The following RBPMS variants were observed in gnomAD, a reference collection of about 807,000 sequenced individuals.
The protein encoded by RBPMS is RNA-binding protein with multiple splicing.
RBPMS carries 7 observed loss-of-function variants against 26.8 expected under a neutral mutation model. The ratio of observed to expected loss-of-function variants is 0.26; its 90% confidence interval spans 0.15 to 0.49. RBPMS has a LOEUF of 0.49. RBPMS is among the 20% of genes least tolerant of loss of function. The pLI, the probability that RBPMS is intolerant of heterozygous loss-of-function variation, is 0.98. For missense variants in RBPMS, 186 were observed against 250.0 expected (o/e 0.74, Z 1.73); for synonymous variants, 96 against 93.3 (o/e 1.03, Z -0.17).
chr8:30,481,531 A>G (rs1585612795), intron 4 of RBPMS, among the ~76,000 whole-genome samples: 1 of 150,414 alleles, frequency 6.6e-6, no homozygotes, highest in Admixed American at 6.6e-5. Context: ...TTCTTCTTGC[A>G]CTAGGCTCTC....
intron 1 of RBPMS, among the ~76,000 whole-genome samples, chr8:30,468,688 A>G (rs750314133): frequency 6.4e-4 from 97 of 152,198 alleles, no homozygotes; most frequent in Non-Finnish European, 1.2e-3. Flanking sequence ...GTTATACACT[A>G]CAAATAACAG....
intron 4 of RBPMS, among the ~76,000 whole-genome samples, chr8:30,490,296 G>T (rs1819250758): frequency 1.3e-5 from 2 of 152,190 alleles, no homozygotes; most frequent in Non-Finnish European, 2.9e-5. Context: ...ATTGTAACCT[G>T]AACAAACACA....
At chr8:30,471,596 C>T (rs543662199) in intron 1 of RBPMS, among the ~76,000 whole-genome samples, 1 of 152,288 alleles carries the variant, frequency 6.6e-6, no homozygotes, top group South Asian at 2.1e-4. Context: ...AAAACAGGCA[C>T]TTCCCAAAAT....
intron 5 of RBPMS, among the ~76,000 whole-genome samples, chr8:30,534,030 A>T (rs994568617): frequency 6.6e-6 from 1 of 152,012 alleles, no homozygotes; most frequent in African/African-American, 2.4e-5. Flanking sequence ...GCTACTCGGG[A>T]TGCTGAGGCA....
intron 8 of RBPMS, among the ~76,000 whole-genome samples, chr8:30,569,927 G>A (rs1828153882): frequency 6.6e-6 from 1 of 152,182 alleles, no homozygotes; most frequent in Non-Finnish European, 1.5e-5. Context: ...CACAGAGAAG[G>A]TCCAGGGTGT....
chr8:30,521,121 T>C (rs1822977326), intron 5 of RBPMS, among the ~76,000 whole-genome samples: 1 of 152,208 alleles, frequency 6.6e-6, no homozygotes, highest in African/African-American at 2.4e-5. Flanking sequence ...AAGTTAAATA[T>C]TTAGATTAGT....
intron 1 of RBPMS, among the ~76,000 whole-genome samples, chr8:30,417,972 C>T (rs368047430): frequency 1.3e-4 from 20 of 152,206 alleles, no homozygotes; most frequent in East Asian, 3.9e-4. Flanking sequence ...TGTTACCATA[C>T]GTAACACATA....
At chr8:30,538,807 A>C (rs927181101) in intron 5 of RBPMS, among the ~76,000 whole-genome samples, 26 of 152,132 alleles carry the variant, frequency 1.7e-4, no homozygotes, top group African/African-American at 4.8e-5. Context: ...CCTTTGTCTC[A>C]AGATTCCTAA....
chr8:30,528,092 T>C (rs1161110230), intron 5 of RBPMS, among the ~76,000 whole-genome samples: 4 of 152,032 alleles, frequency 2.6e-5, no homozygotes, highest in African/African-American at 9.7e-5. Flanking sequence ...GGAGAATCGC[T>C]TGAACCCGGG....
intron 1 of RBPMS, among the ~76,000 whole-genome samples, chr8:30,464,378 T>C (rs531675728): frequency 6.6e-6 from 1 of 152,282 alleles, no homozygotes; most frequent in South Asian, 2.1e-4. Context: ...AAACTATATA[T>C]TGGGTAATTT....
Position 30,479,329 on chromosome 8 carries a change from C to A in RBPMS, c.198C>A (p.Val66=). ...TTTTTTCTCAGCCTGTAGGTTTTGT[C>A]AGTTTTGACAGTCGCTCAGAAGCAG... ...KLTSKQPVGF[V]SFDSRSEAEA... is the part of the protein sequence containing the mutation. The change falls in exon 4 of 9, where the codon GTC becomes GTA. Residue 66 remains valine (V), a synonymous_variant. Transcript: ENST00000397323. The A allele has an allele frequency of 6.2e-7, 1 of 1,602,760 alleles. No homozygotes were observed. Among genetic ancestry groups the A allele is most frequent in the South Asian group, 1.1e-5 (1 of 88,518 alleles).
intron 8 of RBPMS, among the ~76,000 whole-genome samples, chr8:30,567,002 G>T (rs1827933671): frequency 6.6e-6 from 1 of 152,132 alleles, no homozygotes; most frequent in Non-Finnish European, 1.5e-5. Flanking sequence ...AGCAGGAAAT[G>T]TAGTCTAAAA....
At chr8:30,542,838 T>G (rs771893576) in intron 5 of RBPMS, among the ~76,000 whole-genome samples, 5 of 152,186 alleles carry the variant, frequency 3.3e-5, no homozygotes, top group Non-Finnish European at 7.3e-5. Context: ...ATTAAGCCCC[T>G]CCCAGCCCCT....
In RBPMS at chr8:30,431,671, G is replaced by A. The variant is rs141221686; in HGVS notation, c.67-43108G>A. Among the ~76,000 whole-genome samples, 341 of 152,154 alleles carry A rather than the reference G, an allele frequency of 2.2e-3. 5 individuals carry two copies. The East Asian group carries it at 0.034, about 15-fold the overall frequency. On this transcript the variant is annotated intron_variant, in intron 1 of 8. Coordinates refer to ENST00000397323, the MANE Select transcript of RBPMS (RefSeq NM_001008710.3). Reference sequence around the variant, plus strand: ...TCTCCGTGTTGGCTAGGCTGGTCTCGAACTCCAGACCTCAGGTGATCCGGC... The same window carrying A: ...TCTCCGTGTTGGCTAGGCTGGTCTCAAACTCCAGACCTCAGGTGATCCGGC...
At chr8:30,526,789 A>G (rs1204218071) in intron 5 of RBPMS, among the ~76,000 whole-genome samples, 2 of 152,210 alleles carry the variant, frequency 1.3e-5, no homozygotes, top group Non-Finnish European at 2.9e-5. Flanking sequence ...GGAATGCTAG[A>G]TTACAGTTAA....
chr8:30,563,176 G>GA (rs1491128307), intron 7 of RBPMS, among the ~76,000 whole-genome samples: 1 of 151,088 alleles, frequency 6.6e-6, no homozygotes, highest in East Asian at 1.9e-4. Context: ...AGGCCATCAG[G>GA]AGAGGGGGGG....
chr8:30,455,119 G>A (rs1285234660), intron 1 of RBPMS, among the ~76,000 whole-genome samples: 2 of 152,162 alleles, frequency 1.3e-5, no homozygotes, highest in African/African-American at 4.8e-5. Context: ...CACCATGCCC[G>A]GCCTCAAATT....
At chr8:30,499,599 A>G (rs1299139508) in intron 4 of RBPMS, among the ~76,000 whole-genome samples, 1 of 152,062 alleles carries the variant, frequency 6.6e-6, no homozygotes, top group East Asian at 1.9e-4. Flanking sequence ...CCTGAATCTA[A>G]ACCAAAAAAA....
At chr8:30,443,851 T>C (rs1157109058) in intron 1 of RBPMS, among the ~76,000 whole-genome samples, 2 of 152,124 alleles carry the variant, frequency 1.3e-5, no homozygotes, top group Non-Finnish European at 2.9e-5. Flanking sequence ...CGCCTCGGCC[T>C]CCCAAAATGC....
Sources: gnomAD v4.1 joint callset for allele counts (sites outside exome capture counted in the v4.1 genomes callset) on GRCh38, gnomAD v4.1.1 for gene constraint, MANE v1.5 for transcripts, NCBI Gene and HGNC (gene_info 2026-07-23, HGNC 2026-07-21) for gene names.